Variants in SASH1 observed in about 807,000 individuals in gnomAD.
The protein encoded by SASH1 is SAM and SH3 domain-containing protein 1.
SASH1 carries 44 observed loss-of-function variants against 125.2 expected under a neutral mutation model. That is an observed-to-expected ratio of 0.35 (90% CI 0.28 to 0.45). The LOEUF (loss-of-function observed/expected upper bound fraction) is 0.45. SASH1 is among the 20% of genes least tolerant of loss of function. The pLI is 1.00. For missense variants in SASH1, 1,426 were observed against 1,614.5 expected, an observed-to-expected ratio of 0.88 and a Z score of 2.00; for synonymous variants, 639 against 649.1, an observed-to-expected ratio of 0.98 and a Z score of 0.24.
At position 148,551,616 on chromosome 6, in the gene SASH1, A is replaced by G. The variant is rs1405401945; in HGVS notation, c.*3058A>G. The stretch of plus-strand genomic sequence containing the variant: ...AAAGTTTGCTTTCATAACTGCAGCA[A>G]AAAAGGTCAACTTGCCAAGTCACTG... On this transcript the variant is annotated 3_prime_UTR_variant, in exon 20 of 20. Transcript: ENST00000367467. 6.6e-6 allele frequency: 1 copy of G among 152,432 alleles called. No individual in the cohort carries two copies. Among genetic ancestry groups the G allele is most frequent in the East Asian group, 1.9e-4 (1 of 5,204 alleles). The allele number at this position is 152,432 out of a possible 1,614,324, so 9.4% of individuals were successfully genotyped here.
chr6:148,438,527 G>A (rs1413812004), intron 2 of SASH1, among the ~76,000 whole-genome samples: 2 of 152,034 alleles, frequency 1.3e-5, no homozygotes, highest in Admixed American at 6.6e-5. Flanking sequence ...ACCAGGAGGA[G>A]GTTAATGAGA....
chr6:148,428,480 T>G (rs1344034887), intron 2 of SASH1, among the ~76,000 whole-genome samples: 1 of 151,828 alleles, frequency 6.6e-6, no homozygotes, highest in Non-Finnish European at 1.5e-5. Context: ...AATACAAAAA[T>G]TAGCTAGGTG....
At chr6:148,454,441 G>T (rs1252008997) in intron 4 of SASH1, among the ~76,000 whole-genome samples, 1 of 152,210 alleles carries the variant, frequency 6.6e-6, no homozygotes, top group Non-Finnish European at 1.5e-5. Flanking sequence ...AATGTAATCC[G>T]GCTGTTCTAA....
At chr6:148,261,745 G>GACA in the SASH1 span, among the ~76,000 whole-genome samples, 2 of 152,154 alleles carry the variant, frequency 1.3e-5, no homozygotes, top group Non-Finnish European at 2.9e-5. Flanking sequence ...ATGGGGGACA[G>GACA]ACAACGGGGT....
chr6:148,451,831 A>G (rs1056135071), intron 4 of SASH1, among the ~76,000 whole-genome samples: 1 of 152,242 alleles, frequency 6.6e-6, no homozygotes, highest in African/African-American at 2.4e-5. Context: ...AGGTCAAGCC[A>G]CGTCCCCTGG....
intron 1 of SASH1, among the ~76,000 whole-genome samples, chr6:148,296,348 A>T (rs2128510780): frequency 6.6e-6 from 1 of 151,196 alleles, no homozygotes; most frequent in South Asian, 2.1e-4. Flanking sequence ...CTGGTCTCAA[A>T]CTCCTGACCT....
chr6:148,398,825 A>G (rs1171680673), intron 2 of SASH1, among the ~76,000 whole-genome samples: 2 of 152,178 alleles, frequency 1.3e-5, no homozygotes, highest in East Asian at 3.8e-4. Flanking sequence ...CTTGATGTCA[A>G]ATACACTGAA....
In SASH1 at chr6:148,347,692, C is replaced by T. The variant is rs377562029; in HGVS notation, c.156+4469C>T. Among the ~76,000 whole-genome samples, 13 of 152,260 alleles carry T rather than the reference C, an allele frequency of 8.5e-5. No homozygotes were observed. In the East Asian group the frequency reaches 1.4e-3, roughly 16 times the overall value. ...TCAGCTAATGACTTAATTAATTTTA[C>T]GTCTTGGAATTTGAGAGTCAAGCAC... On this transcript the variant is annotated intron_variant, in intron 1 of 19. Transcript: ENST00000367467.
intron 1 of SASH1, among the ~76,000 whole-genome samples, chr6:148,303,975 G>A (rs1481412059): frequency 6.6e-6 from 1 of 152,060 alleles, no homozygotes; most frequent in Non-Finnish European, 1.5e-5. Context: ...GGCTCTAAAT[G>A]CCTATATTTA....
intron 1 of SASH1, among the ~76,000 whole-genome samples, chr6:148,307,012 C>A (rs1780144725): frequency 6.7e-6 from 1 of 150,018 alleles, no homozygotes; most frequent in Non-Finnish European, 1.5e-5. Context: ...GCACAACCTA[C>A]CTTTCTCTTT....
intron 1 of SASH1, among the ~76,000 whole-genome samples, chr6:148,366,525 C>T (rs945358054): frequency 1.3e-5 from 2 of 152,108 alleles, no homozygotes; most frequent in Non-Finnish European, 2.9e-5. Flanking sequence ...AGTATAAGCT[C>T]GGCAAGCATT....
rs9390565 is a variant in SASH1 at position 148,396,349 on chromosome 6, G to A, written c.285+6087G>A. ...CAAAATTAGCCAGGTGTGGTGGTGC[G>A]CACCTATAATCCCAGCTACTTGGGA... On this transcript the variant is annotated intron_variant, in intron 2 of 19. Transcript: ENST00000367467. Among the ~76,000 whole-genome samples the A allele has an allele frequency of 7.9e-5, 12 of 151,690 alleles. No individual in the cohort carries two copies. In the East Asian group the frequency reaches 1.2e-3, roughly 15 times the overall value.
chr6:148,250,919 G>C, the SASH1 span, among the ~76,000 whole-genome samples: 1 of 152,188 alleles, frequency 6.6e-6, no homozygotes, highest in African/African-American at 2.4e-5. Flanking sequence ...CTTTGTGCCG[G>C]TCTCTGAAGG....
chr6:148,431,645 C>T (rs566711435), intron 2 of SASH1, among the ~76,000 whole-genome samples: 45 of 151,310 alleles, frequency 3.0e-4, no homozygotes, highest in African/African-American at 1.1e-3. Flanking sequence ...TGCCTGACCG[C>T]CCTGCACTAG....
At chr6:148,426,686 T>G (rs565983442) in intron 2 of SASH1, among the ~76,000 whole-genome samples, 1 of 152,256 alleles carries the variant, frequency 6.6e-6, no homozygotes, top group East Asian at 1.9e-4. Flanking sequence ...CGTTGACTTA[T>G]GGGCTCAGTA....
At chr6:148,465,267 C>G (rs1256371001) in intron 4 of SASH1, among the ~76,000 whole-genome samples, 1 of 151,998 alleles carries the variant, frequency 6.6e-6, no homozygotes, top group African/African-American at 2.4e-5. Flanking sequence ...CTTCTCTAGT[C>G]CTGGCCGGTC....
At chr6:148,196,287 C>G in the SASH1 span, among the ~76,000 whole-genome samples, 1 of 152,234 alleles carries the variant, frequency 6.6e-6, no homozygotes, top group Admixed American at 6.5e-5. Context: ...CAGAAGCTTG[C>G]CTCCAAGTGC....
At chr6:148,226,681 C>T in the SASH1 span, among the ~76,000 whole-genome samples, 2 of 152,086 alleles carry the variant, frequency 1.3e-5, no homozygotes, top group Admixed American at 1.3e-4. Flanking sequence ...CTGTGTATTC[C>T]CACTGGCTTC....
At chr6:148,391,395 A>G (rs1456778502) in intron 2 of SASH1, among the ~76,000 whole-genome samples, 2 of 148,758 alleles carry the variant, frequency 1.3e-5, no homozygotes, top group African/African-American at 5.0e-5. Context: ...GGCGTGAGCC[A>G]CCACGTCCGG....
Sources: gnomAD v4.1 joint callset for allele counts (sites outside exome capture counted in the v4.1 genomes callset) on GRCh38, gnomAD v4.1.1 for gene constraint, MANE v1.5 for transcripts, NCBI Gene and HGNC (gene_info 2026-07-23, HGNC 2026-07-21) for gene names.